Variants in ACTR3B observed in about 807,000 individuals in gnomAD.
ACTR3B encodes actin-related protein 3B.
ACTR3B carries 8 observed loss-of-function variants against 59.0 expected under a neutral mutation model. That is an observed-to-expected ratio of 0.14 (90% CI 0.08 to 0.24). ACTR3B has a LOEUF of 0.24. Among genes scored for constraint, ACTR3B ranks in the 10% least tolerant of loss-of-function variants. ACTR3B has a pLI of 1.00. For missense variants in ACTR3B, 245 were observed against 552.3 expected (o/e 0.44, Z 5.58); for synonymous variants, 148 against 197.9 (o/e 0.75, Z 2.12).
chr7:152,791,832 T>G (rs1366661318), intron 2 of ACTR3B, among the ~76,000 whole-genome samples: 1 of 152,240 alleles, frequency 6.6e-6, no homozygotes, highest in Non-Finnish European at 1.5e-5. Flanking sequence ...GATTAATATT[T>G]AAACTGACAG....
At chr7:152,831,654 A>G (rs1797042145) in intron 9 of ACTR3B, among the ~76,000 whole-genome samples, 1 of 152,186 alleles carries the variant, frequency 6.6e-6, no homozygotes, top group Non-Finnish European at 1.5e-5. Context: ...CAGTGCAGGG[A>G]ATGCAGCATG....
intron 2 of ACTR3B, among the ~76,000 whole-genome samples, chr7:152,790,876 C>A: frequency 6.6e-6 from 1 of 152,230 alleles, no homozygotes; most frequent in Middle Eastern, 3.4e-3. Flanking sequence ...TCTCGATAAC[C>A]TTCCTTAGAT....
At chr7:152,773,586 A>G (rs557048284) in intron 1 of ACTR3B, among the ~76,000 whole-genome samples, 6 of 151,058 alleles carry the variant, frequency 4.0e-5, no homozygotes, top group South Asian at 2.1e-4. Context: ...CTCTGTCTCT[A>G]AAAAAAAAGC....
At chr7:152,835,847 A>G (rs191524804) in intron 9 of ACTR3B, among the ~76,000 whole-genome samples, 35 of 152,098 alleles carry the variant, frequency 2.3e-4, no homozygotes, top group Non-Finnish European at 4.4e-5. Context: ...AACACATCTC[A>G]AGAGGGCGAC....
intron 9 of ACTR3B, among the ~76,000 whole-genome samples, chr7:152,842,100 T>G (rs1278054628): frequency 6.6e-6 from 1 of 152,206 alleles, no homozygotes; most frequent in African/African-American, 2.4e-5. Flanking sequence ...CGAAGTTTCA[T>G]ATACAGGAGT....
chr7:152,820,067 G>A, intron 6 of ACTR3B, among the ~76,000 whole-genome samples: 1 of 152,174 alleles, frequency 6.6e-6, no homozygotes, highest in Non-Finnish European at 1.5e-5. Flanking sequence ...GTTGCTTTTA[G>A]AGAGTGTCAG....
intron 2 of ACTR3B, among the ~76,000 whole-genome samples, chr7:152,789,885 T>C (rs1437500570): frequency 6.6e-6 from 1 of 151,998 alleles, no homozygotes; most frequent in African/African-American, 2.4e-5. Context: ...CCTAGTTTAA[T>C]CTGAGGGTTT....
chr7:152,842,856 T>C (rs140410883), intron 9 of ACTR3B, among the ~76,000 whole-genome samples: 2,253 of 152,324 alleles, frequency 0.015, 39 homozygotes, highest in African/African-American at 0.035. Context: ...GCATCTACCC[T>C]CCCACCAACA....
At chr7:152,834,695 C>G (rs1159385312) in intron 9 of ACTR3B, among the ~76,000 whole-genome samples, 2 of 152,200 alleles carry the variant, frequency 1.3e-5, no homozygotes, top group Non-Finnish European at 2.9e-5. Context: ...TGACACTCTT[C>G]TAGCTTAGGT....
chr7:152,805,097 T>C (rs997999513), intron 4 of ACTR3B, among the ~76,000 whole-genome samples: 2 of 151,360 alleles, frequency 1.3e-5, no homozygotes, highest in African/African-American at 2.4e-5. Context: ...TTTTGGAGCA[T>C]GTACAGTTGG....
chr7:152,803,980 C>T (rs2098244569), intron 4 of ACTR3B, among the ~76,000 whole-genome samples: 1 of 152,136 alleles, frequency 6.6e-6, no homozygotes, highest in South Asian at 2.1e-4. Context: ...AGATTTAAGA[C>T]CAAGCCATCA....
At chr7:152,799,511 A>T (rs1233541037) in intron 2 of ACTR3B, among the ~76,000 whole-genome samples, 1 of 152,178 alleles carries the variant, frequency 6.6e-6, no homozygotes, top group Non-Finnish European at 1.5e-5. Context: ...TGTAAACTTT[A>T]ATTATTATTA....
intron 1 of ACTR3B, among the ~76,000 whole-genome samples, chr7:152,781,480 C>G (rs2098153866): frequency 6.6e-6 from 1 of 152,028 alleles, no homozygotes; most frequent in Non-Finnish European, 1.5e-5. Context: ...TGAGAAAGGA[C>G]CCTGTTCTGG....
chr7:152,775,190 C>CAA (rs67260503), intron 1 of ACTR3B, among the ~76,000 whole-genome samples: 487 of 42,562 alleles, frequency 0.011, 15 homozygotes, highest in Non-Finnish European at 0.013. Context: ...AACCCTGTCT[C>CAA]AAAAAAAAAA....
At chr7:152,850,174 G>T (rs900055595) in intron 9 of ACTR3B, among the ~76,000 whole-genome samples, 3 of 151,836 alleles carry the variant, frequency 2.0e-5, no homozygotes, top group Non-Finnish European at 4.4e-5. Flanking sequence ...GCTTCTCCAG[G>T]TGGAAGACCA....
chr7:152,782,884 G>C (rs1469311814), intron 1 of ACTR3B, among the ~76,000 whole-genome samples: 1 of 152,244 alleles, frequency 6.6e-6, no homozygotes, highest in East Asian at 1.9e-4. Flanking sequence ...TGTAAAGATA[G>C]AGTGTAAAAG....
At chr7:152,764,852 G>A (rs184930755) in intron 1 of ACTR3B, among the ~76,000 whole-genome samples, 9 of 152,142 alleles carry the variant, frequency 5.9e-5, no homozygotes, top group Admixed American at 4.6e-4. Context: ...CTCACCAATA[G>A]AGCCTATTGC....
Position 152,816,569 on chromosome 7 carries a change from T to A in ACTR3B, c.521T>A (p.Val174Asp). 1 of 1,592,952 alleles carries A rather than the reference T, an allele frequency of 6.3e-7. No individual in the cohort carries two copies. The highest frequency in any genetic ancestry group is 8.6e-7 in the Non-Finnish European group (1 of 1,168,150). The change falls in exon 6 of 12, where the codon GTC becomes GAC. Residue 174 changes from valine to aspartate, a missense_variant. This residue lies in a region of ACTR3B where 12 missense variants were observed against 68.7 expected (regional missense o/e 0.17). Coordinates refer to ENST00000256001, the MANE Select transcript of ACTR3B (RefSeq NM_020445.6). The part of the protein sequence containing the change: ...TGIVIDSGDG[V>D]THVIPVAEGY... ...ATAGTCATTGACAGCGGAGATGGAGTCACCCATGTTATCCCAGTGGTAAGC... is the reference window on the plus strand; with the variant it reads ...ATAGTCATTGACAGCGGAGATGGAGACACCCATGTTATCCCAGTGGTAAGC...
At chr7:152,818,591 C>T (rs533209034) in intron 6 of ACTR3B, among the ~76,000 whole-genome samples, 18 of 152,280 alleles carry the variant, frequency 1.2e-4, no homozygotes, top group African/African-American at 3.9e-4. Flanking sequence ...GCTGGGATTA[C>T]AGGCATGCGC....
Sources: allele counts gnomAD v4.1 joint callset (sites outside exome capture counted in the v4.1 genomes callset), GRCh38; gene constraint gnomAD v4.1.1; regional missense constraint gnomAD v4.1.1; transcripts MANE v1.5; gene names NCBI Gene and HGNC (gene_info 2026-07-23, HGNC 2026-07-21).